The following PCGF5 variants were observed in gnomAD, a reference collection of about 807,000 sequenced individuals.
The protein encoded by PCGF5 is polycomb group ring finger 5, also known as polycomb group RING finger protein 5.
In PCGF5, 9 loss-of-function variants were observed where a neutral mutation model predicts 44.3. The ratio of observed to expected loss-of-function variants is 0.20; its 90% CI spans 0.12 to 0.35. The LOEUF is 0.35. Ranked by LOEUF, PCGF5 falls within the 10% of genes least tolerant of loss-of-function variation. The pLI, the probability that PCGF5 is intolerant of heterozygous loss-of-function variation, is 1.00. For synonymous variants in PCGF5, 95 were observed against 102.5 expected, an observed-to-expected ratio of 0.93 and a Z score of 0.44; for missense variants, 146 against 305.3, an observed-to-expected ratio of 0.48 and a Z score of 3.89.
upstream of PCGF5, among the ~76,000 whole-genome samples, chr10:91,160,509 T>C (rs190831680): frequency 6.4e-4 from 98 of 152,338 alleles, 2 homozygotes; most frequent in East Asian, 0.017. Context: ...CTACACTGTC[T>C]GGAAGGGCAG....
At position 91,248,491 on chromosome 10, in the gene PCGF5, C is replaced by T; in HGVS notation, c.210-14C>T. 1.9e-6 allele frequency: 3 copies of T among 1,605,762 alleles called. No homozygotes were observed. The highest frequency in any genetic ancestry group is 2.6e-6 in the Non-Finnish European group (3 of 1,172,998). On this transcript the variant is annotated splice_polypyrimidine_tract_variant and intron_variant, in intron 3 of 9. Transcript: ENST00000336126. Reference sequence around the variant, plus strand: ...TCTTCATTGTTAGTATTTTCTTTCTCCCCCCTTTCGAAGGTTGGACAATAC... The same window carrying T: ...TCTTCATTGTTAGTATTTTCTTTCTTCCCCCTTTCGAAGGTTGGACAATAC...
intron 1 of PCGF5, among the ~76,000 whole-genome samples, chr10:91,186,819 T>G (rs1442499386): frequency 6.6e-6 from 1 of 152,108 alleles, no homozygotes; most frequent in Non-Finnish European, 1.5e-5. Flanking sequence ...AGCTGGTTTC[T>G]GGGGGATTGC....
At chr10:91,164,228 C>A (rs960838278) in intron 1 of PCGF5, among the ~76,000 whole-genome samples, 1 of 152,178 alleles carries the variant, frequency 6.6e-6, no homozygotes, top group South Asian at 2.1e-4. Context: ...GGGGTCCCCC[C>A]CTTCCACAAT....
chr10:91,161,161 TC>T (rs1181586291), upstream of PCGF5, among the ~76,000 whole-genome samples: 1 of 152,224 alleles, frequency 6.6e-6, no homozygotes, highest in Non-Finnish European at 1.5e-5. Flanking sequence ...GGCTGTCTCC[TC>T]TCTTTGCCCC....
At chr10:91,226,314 A>AG (rs398014421) in intron 2 of PCGF5, among the ~76,000 whole-genome samples, 1 of 150,456 alleles carries the variant, frequency 6.6e-6, no homozygotes, top group African/African-American at 2.4e-5. Flanking sequence ...AAAAAAAAAA[A>AG]TGCTGTTAAG....
At chr10:91,270,380 G>GAAA (rs11400268) in intron 8 of PCGF5, among the ~76,000 whole-genome samples, 1 of 147,924 alleles carries the variant, frequency 6.8e-6, no homozygotes, top group African/African-American at 2.5e-5. Context: ...GAGATCAATA[G>GAAA]AAAAAAAAAA....
chr10:91,202,925 C>T (rs1198481627), intron 1 of PCGF5, among the ~76,000 whole-genome samples: 2 of 152,080 alleles, frequency 1.3e-5, no homozygotes, highest in South Asian at 2.1e-4. Flanking sequence ...GGAAGAAAAA[C>T]AGTAAAGAAA....
chr10:91,179,226 AG>A (rs1355340087), intron 1 of PCGF5, among the ~76,000 whole-genome samples: 3 of 152,198 alleles, frequency 2.0e-5, no homozygotes, highest in Non-Finnish European at 4.4e-5. Flanking sequence ...GTCTCTTTTA[AG>A]TCAGAGGAAT....
At chr10:91,194,738 C>A (rs112217388) in intron 1 of PCGF5, among the ~76,000 whole-genome samples, 16 of 152,102 alleles carry the variant, frequency 1.1e-4, no homozygotes, top group African/African-American at 3.6e-4. Flanking sequence ...TCACCAAGAG[C>A]ATAAGTAGAG....
intron 1 of PCGF5, among the ~76,000 whole-genome samples, chr10:91,170,927 A>G (rs1195416674): frequency 6.6e-6 from 1 of 152,240 alleles, no homozygotes; most frequent in African/African-American, 2.4e-5. Flanking sequence ...ATAAATAGCT[A>G]TCAAGCCATG....
intron 2 of PCGF5, among the ~76,000 whole-genome samples, chr10:91,236,720 C>T (rs1271371625): frequency 6.6e-6 from 1 of 152,156 alleles, no homozygotes; most frequent in African/African-American, 2.4e-5. Context: ...GTTTTTTAAG[C>T]ATCTATGGGA....
chr10:91,219,891 G>T (rs1161601417), upstream of PCGF5, among the ~76,000 whole-genome samples: 1 of 152,144 alleles, frequency 6.6e-6, no homozygotes, highest in Non-Finnish European at 1.5e-5. Context: ...TATCACTTTA[G>T]TAAGAAGTTA....
intron 1 of PCGF5, among the ~76,000 whole-genome samples, chr10:91,180,298 C>T (rs1179860001): frequency 6.6e-6 from 1 of 152,092 alleles, no homozygotes; most frequent in Non-Finnish European, 1.5e-5. Flanking sequence ...TGTAGGTTGT[C>T]TGTTTATTCT....
chr10:91,168,063 G>A (rs541746281), intron 1 of PCGF5, among the ~76,000 whole-genome samples: 1 of 152,274 alleles, frequency 6.6e-6, no homozygotes, highest in Non-Finnish European at 1.5e-5. Flanking sequence ...ATTAATGGAG[G>A]TGATTATTGG....
At chr10:91,172,131 A>G (rs1843619327) in intron 1 of PCGF5, among the ~76,000 whole-genome samples, 2 of 152,210 alleles carry the variant, frequency 1.3e-5, no homozygotes, top group East Asian at 3.8e-4. Context: ...CTCAGTTAAT[A>G]TTGCCCTCTA....
At chr10:91,211,025 G>A (rs1199292004) in intron 1 of PCGF5, among the ~76,000 whole-genome samples, 1 of 152,162 alleles carries the variant, frequency 6.6e-6, no homozygotes, top group Non-Finnish European at 1.5e-5. Context: ...TTAGGTACCA[G>A]GAGGCATTTG....
intron 6 of PCGF5, among the ~76,000 whole-genome samples, chr10:91,252,416 A>T (rs1845644075): frequency 6.6e-6 from 1 of 152,048 alleles, no homozygotes; most frequent in Admixed American, 6.6e-5. Context: ...AACATATATG[A>T]GCACAGTAAT....
At chr10:91,190,964 C>T (rs1844021840) in intron 1 of PCGF5, among the ~76,000 whole-genome samples, 1 of 152,112 alleles carries the variant, frequency 6.6e-6, no homozygotes, top group Non-Finnish European at 1.5e-5. Flanking sequence ...CTGCTGGCAA[C>T]GAGTCCAGAT....
intron 2 of PCGF5, among the ~76,000 whole-genome samples, chr10:91,223,517 TA>T (rs1844735750): frequency 6.6e-6 from 1 of 152,202 alleles, no homozygotes; most frequent in South Asian, 2.1e-4. Context: ...GAAGCATGCT[TA>T]AGTTTGAGAA....
Sources: gnomAD v4.1 joint callset for allele counts (sites outside exome capture counted in the v4.1 genomes callset) on GRCh38, gnomAD v4.1.1 for gene constraint, MANE v1.5 for transcripts, NCBI Gene and HGNC (gene_info 2026-07-23, HGNC 2026-07-21) for gene names.